Variants in MTMR1 observed in about 807,000 individuals in gnomAD.
MTMR1 encodes the protein phosphatidylinositol-3-phosphate phosphatase MTMR1.
In MTMR1, 17 loss-of-function variants were observed where a neutral mutation model predicts 51.6. That is an observed-to-expected ratio of 0.33 (90% CI 0.23 to 0.49). The LOEUF (loss-of-function observed/expected upper bound fraction) is 0.49, where lower values mean the gene tolerates loss of function less well. Ranked by LOEUF, MTMR1 falls within the 20% of genes least tolerant of loss-of-function variation. The pLI is 0.99. For missense variants in MTMR1, 386 were observed against 526.9 expected (o/e 0.73, Z 2.62); for synonymous variants, 201 against 205.6 (o/e 0.98, Z 0.19).
At chrX:150,758,784 A>G (rs1190991524) in intron 15 of MTMR1, among the ~76,000 whole-genome samples, 1 of 106,038 alleles carries the variant, frequency 9.4e-6, no homozygotes, top group African/African-American at 3.5e-5. Context: ...CGACAGAGTG[A>G]GACTCCGTCT....
chrX:150,760,598 T>C (rs1383734633), intron 15 of MTMR1, among the ~76,000 whole-genome samples: 1 of 112,087 alleles, frequency 8.9e-6, no homozygotes, highest in Non-Finnish European at 1.9e-5. Context: ...TTTCTATTCC[T>C]TCAGGCATGC....
intron 1 of MTMR1, among the ~76,000 whole-genome samples, chrX:150,695,983 G>A (rs2040659511): frequency 1.8e-5 from 2 of 111,891 alleles, no homozygotes; most frequent in Admixed American, 9.4e-5. Context: ...AGCGTGTGGG[G>A]GCCGGATAAC....
intron 4 of MTMR1, among the ~76,000 whole-genome samples, chrX:150,726,413 A>G (rs910838686): frequency 1.8e-5 from 2 of 111,646 alleles, no homozygotes; most frequent in African/African-American, 3.3e-5. Flanking sequence ...CTCACAGGTC[A>G]TGGGCTGCTC....
chrX:150,713,223 G>A (rs1470525057), intron 3 of MTMR1, among the ~76,000 whole-genome samples: 2 of 111,629 alleles, frequency 1.8e-5, no homozygotes, highest in Non-Finnish European at 3.8e-5. Context: ...TTAAATATTA[G>A]TGCTTGGCTT....
chrX:150,732,576 C>T lies in MTMR1; in HGVS notation c.926C>T (p.Thr309Met), dbSNP rs1486439252. 4.1e-6 allele frequency: 5 copies of T among 1,208,108 alleles called. No homozygotes were observed. The highest frequency in any genetic ancestry group is 1.8e-5 in the African/African-American group (1 of 57,100). ...LSWIHPESQA[T>M]ITRCSQPLVG... The stretch of plus-strand genomic sequence containing the variant: ...TGGATTCATCCGGAAAGTCAAGCAA[C>T]GATTACCCGTTGCAGCCAGCCACTT... The change falls in exon 10 of 16, where the codon ACG becomes ATG. Residue 309 changes from threonine (T) to methionine (M), a missense_variant. Physicochemically the swap from Thr to Met is moderately conservative, Grantham distance 81. Coordinates refer to ENST00000445323, the MANE Select transcript of MTMR1 (RefSeq NM_001306144.3).
At chrX:150,694,815 A>G (rs1194850133) in intron 1 of MTMR1, among the ~76,000 whole-genome samples, 1 of 111,726 alleles carries the variant, frequency 9.0e-6, no homozygotes, top group Non-Finnish European at 1.9e-5. Flanking sequence ...CTGCCTTACC[A>G]TTTTGCTAGA....
At chrX:150,752,461 C>A (rs1173930993) in intron 14 of MTMR1, among the ~76,000 whole-genome samples, 1 of 110,798 alleles carries the variant, frequency 9.0e-6, no homozygotes, top group Admixed American at 9.8e-5. Flanking sequence ...TCCTGCGGGC[C>A]CAGTGTGATG....
chrX:150,701,839 T>G (rs2040918074), intron 2 of MTMR1, among the ~76,000 whole-genome samples: 1 of 111,521 alleles, frequency 9.0e-6, no homozygotes, highest in African/African-American at 3.3e-5. Context: ...CTAGACAACA[T>G]AGAGAGATCT....
chrX:150,729,080 A>G (rs1328565310), intron 6 of MTMR1, among the ~76,000 whole-genome samples: 1 of 110,201 alleles, frequency 9.1e-6, no homozygotes, highest in Non-Finnish European at 1.9e-5. Flanking sequence ...TCCTTAGACT[A>G]AAAGAAAAAC....
At chrX:150,699,940 C>CA (rs1185870497) in intron 2 of MTMR1, among the ~76,000 whole-genome samples, 1 of 112,204 alleles carries the variant, frequency 8.9e-6, no homozygotes, top group African/African-American at 3.2e-5. Context: ...ATTAACAAAT[C>CA]AAAAAAATCG....
intron 10 of MTMR1, among the ~76,000 whole-genome samples, chrX:150,734,138 A>G (rs1280265035): frequency 8.9e-6 from 1 of 112,033 alleles, no homozygotes; most frequent in Non-Finnish European, 1.9e-5. Context: ...CATCACTCCA[A>G]TCTCTTCTTC....
In MTMR1 at chrX:150,737,377, T is replaced by C; in HGVS notation, c.1402T>C (p.Tyr468His). The C allele has an allele frequency of 8.3e-7, 1 of 1,211,739 alleles. No individual in the cohort carries two copies. Among genetic ancestry groups the C allele is most frequent in the Non-Finnish European group, 1.1e-6 (1 of 895,389 alleles). The change falls in exon 12 of 16, where the codon TAC becomes CAC. Residue 468 changes from tyrosine (Y) to histidine (H), a missense_variant. Physicochemically the swap from Tyr to His is moderately conservative, Grantham distance 83 (BLOSUM62 2). Transcript: ENST00000445323. Reference protein sequence around the residue: ...SLAMLMLDSYYRTIKGFETLV... With the variant: ...SLAMLMLDSYHRTIKGFETLV... ...GGCTATGCTAATGTTGGACAGTTAC[T>C]ACAGGACCATTAAAGGATTTGAAAC...
intron 8 of MTMR1, among the ~76,000 whole-genome samples, chrX:150,730,969 T>C (rs2042100094): frequency 8.9e-6 from 1 of 112,518 alleles, no homozygotes; most frequent in African/African-American, 3.2e-5. Context: ...ACTACATCTG[T>C]CTGATCCAGT....
chrX:150,742,758 A>G (rs949617331), intron 12 of MTMR1, among the ~76,000 whole-genome samples: 15 of 100,236 alleles, frequency 1.5e-4, no homozygotes, highest in African/African-American at 5.5e-4. Flanking sequence ...CAGAGCTTGC[A>G]GTGAGCCGAG....
chrX:150,699,244 A>G lies in MTMR1; in HGVS notation c.196A>G (p.Ile66Val). The G allele has an allele frequency of 8.3e-7, 1 of 1,207,217 alleles. No individual in the cohort carries two copies. Among genetic ancestry groups the G allele is most frequent in the African/African-American group, 1.7e-5 (1 of 57,727 alleles). ...GTGTAAACAGCTTATAGCTGCTACA[A>G]TTTCTAGTCAGATTTCAGGTTCAGT... Reference protein sequence around the residue: ...EWCKQLIAATISSQISGSVTS... With the variant: ...EWCKQLIAATVSSQISGSVTS... Residue 66 changes from isoleucine (I) to valine (V), a missense_variant, in exon 2 of 16, where the codon ATT becomes GTT. Transcript: ENST00000445323.
At chrX:150,719,034 C>T (rs1367648539) in intron 4 of MTMR1, among the ~76,000 whole-genome samples, 1 of 111,314 alleles carries the variant, frequency 9.0e-6, no homozygotes, top group Non-Finnish European at 1.9e-5. Context: ...ATATAGGAGA[C>T]CTATATCATG....
At chrX:150,733,535 G>A (rs1211502268) in intron 10 of MTMR1, among the ~76,000 whole-genome samples, 4 of 110,052 alleles carry the variant, frequency 3.6e-5, no homozygotes, top group Non-Finnish European at 5.7e-5. Flanking sequence ...CAAACCCTCC[G>A]TATATTCCAA....
At chrX:150,759,445 AGAACCATGCCTGATCTG>A (rs1283690591) in intron 15 of MTMR1, among the ~76,000 whole-genome samples, 4 of 111,675 alleles carry the variant, frequency 3.6e-5, no homozygotes, top group African/African-American at 1.3e-4. Flanking sequence ...AAAATCCAAC[AGAACCATGCCTGATCTG>A]GAGTGCCTTT....
At chrX:150,751,128 G>A (rs1557417595) in intron 14 of MTMR1, 2 of 1,006,189 alleles carry the variant, frequency 2.0e-6, no homozygotes, top group Non-Finnish European at 2.6e-6. Flanking sequence ...AGTCTCCGCT[G>A]CACCAACTCC....
Sources: gnomAD v4.1 joint callset for allele counts (sites outside exome capture counted in the v4.1 genomes callset) on GRCh38, gnomAD v4.1.1 for gene constraint, MANE v1.5 for transcripts, NCBI Gene and HGNC (gene_info 2026-07-23, HGNC 2026-07-21) for gene names.